The following CYB5B variants were observed in gnomAD, a reference collection of about 807,000 sequenced individuals.
CYB5B encodes cytochrome b5 type B (outer mitochondrial membrane).
In CYB5B, 14 loss-of-function variants were observed where a neutral mutation model predicts 21.3. That is an observed-to-expected ratio of 0.66 (90% confidence interval 0.43 to 1.03). CYB5B has a LOEUF of 1.03. Among genes scored for constraint, CYB5B ranks in the 50% least tolerant of loss-of-function variants. The pLI, the probability that CYB5B is intolerant of heterozygous loss-of-function variation, is 0.00. For synonymous variants in CYB5B, 69 were observed against 68.4 expected (o/e 1.01, Z -0.04); for missense variants, 166 against 185.1 (o/e 0.90, Z 0.60).
intron 1 of CYB5B, among the ~76,000 whole-genome samples, chr16:69,426,339 C>T (rs980204959): frequency 6.7e-6 from 1 of 148,462 alleles, no homozygotes; most frequent in Non-Finnish European, 1.5e-5. Flanking sequence ...GTGGCACTTG[C>T]AGTGAGCCTA....
At chr16:69,457,442 G>A (rs1193011928) in intron 3 of CYB5B, among the ~76,000 whole-genome samples, 1 of 151,766 alleles carries the variant, frequency 6.6e-6, no homozygotes, top group Non-Finnish European at 1.5e-5. Flanking sequence ...TAAATCATTG[G>A]TATTTATGTA....
chr16:69,437,496 C>A (rs1484672796), intron 1 of CYB5B, among the ~76,000 whole-genome samples: 5 of 152,162 alleles, frequency 3.3e-5, no homozygotes, highest in African/African-American at 1.2e-4. Context: ...CTGAGCATAA[C>A]CCCCCCAATA....
At chr16:69,434,186 C>T (rs983914968) in intron 1 of CYB5B, among the ~76,000 whole-genome samples, 1 of 152,162 alleles carries the variant, frequency 6.6e-6, no homozygotes, top group Admixed American at 6.6e-5. Flanking sequence ...TGAGATTCAT[C>T]TATTTTTTCT....
chr16:69,454,639 C>A (rs1024131265), intron 3 of CYB5B, among the ~76,000 whole-genome samples: 3 of 152,146 alleles, frequency 2.0e-5, no homozygotes, highest in Admixed American at 2.0e-4. Flanking sequence ...CACAGGGATA[C>A]CAAAGTGTTC....
intron 1 of CYB5B, among the ~76,000 whole-genome samples, chr16:69,429,637 T>C (rs2014685009): frequency 6.6e-6 from 1 of 152,162 alleles, no homozygotes; most frequent in Non-Finnish European, 1.5e-5. Context: ...GATAGTGGGT[T>C]GTACCAGAAC....
Position 69,424,654 on chromosome 16 carries a change from C to A in CYB5B, c.-30C>A. 6.6e-7 allele frequency: 1 copy of A among 1,505,554 alleles called. No homozygotes were observed. The highest frequency in any genetic ancestry group is 1.4e-5 in the African/African-American group (1 of 70,760). 93.3% of individuals were successfully genotyped at this position (1,505,554 alleles called of 1,614,324 possible). A position where few individuals can be genotyped will look rare whatever the true frequency, so the allele number is the denominator to read the frequency against. ...CGCGGGCTCTCAAGGAAAGTAGTCG[C>A]GGAATCTCAGTTAGCGGTGGAGAGG... On this transcript the variant is annotated 5_prime_UTR_variant, in exon 1 of 5. Coordinates refer to ENST00000307892, the MANE Select transcript of CYB5B (RefSeq NM_030579.3).
At chr16:69,445,578 A>C (rs1355653781) in intron 1 of CYB5B, among the ~76,000 whole-genome samples, 1 of 152,228 alleles carries the variant, frequency 6.6e-6, no homozygotes, top group African/African-American at 2.4e-5. Flanking sequence ...TAATTTAAGT[A>C]AATGTTTTTT....
chr16:69,429,925 G>A (rs2014688152), intron 1 of CYB5B, among the ~76,000 whole-genome samples: 1 of 152,022 alleles, frequency 6.6e-6, no homozygotes, highest in Admixed American at 6.6e-5. Context: ...TTTGATTAAT[G>A]ACTGGTTAGA....
intron 3 of CYB5B, 63 bp downstream of exon 3, chr16:69,448,207 G>C: frequency 6.4e-7 from 1 of 1,557,514 alleles, no homozygotes; most frequent in East Asian, 2.3e-5. Flanking sequence ...ACTGCTTTTT[G>C]AAACATTTTT....
intron 3 of CYB5B, among the ~76,000 whole-genome samples, chr16:69,454,276 A>G (rs549604622): frequency 7.9e-5 from 12 of 152,232 alleles, no homozygotes; most frequent in African/African-American, 2.6e-4. Flanking sequence ...ATTTTTTTAT[A>G]TAACGGTTTG....
intron 1 of CYB5B, among the ~76,000 whole-genome samples, chr16:69,440,839 T>A (rs1420880641): frequency 2.0e-5 from 3 of 151,596 alleles, no homozygotes; most frequent in Non-Finnish European, 4.4e-5. Context: ...TTTTTTTTTT[T>A]AAAGAGATAG....
intron 1 of CYB5B, among the ~76,000 whole-genome samples, chr16:69,437,280 CAA>C (rs151256555): frequency 0.063 from 9,652 of 152,080 alleles, 1,002 homozygotes; most frequent in African/African-American, 0.22. Flanking sequence ...ATTAAGTAGA[CAA>C]AGAGTCCATT....
At chr16:69,437,632 A>G (rs1314820544) in intron 1 of CYB5B, among the ~76,000 whole-genome samples, 1 of 152,138 alleles carries the variant, frequency 6.6e-6, no homozygotes, top group East Asian at 1.9e-4. Flanking sequence ...AAAATTTGCC[A>G]TTTTAACCAT....
intron 3 of CYB5B, among the ~76,000 whole-genome samples, chr16:69,450,944 C>T (rs1009544548): frequency 2.0e-5 from 3 of 152,102 alleles, no homozygotes; most frequent in African/African-American, 7.2e-5. Context: ...AGTAACCATT[C>T]CCTAATTCTT....
rs2015055663 is a variant in CYB5B at position 69,463,420 on chromosome 16, A to G, written c.*900A>G. The G allele has an allele frequency of 1.3e-5, 2 of 152,170 alleles. No homozygotes were observed. Among genetic ancestry groups the G allele is most frequent in the Non-Finnish European group, 2.9e-5 (2 of 68,034 alleles). 9.4% of individuals were successfully genotyped at this position (152,170 alleles called of 1,614,324 possible). On this transcript the variant is annotated 3_prime_UTR_variant, in exon 5 of 5. Transcript: ENST00000307892. ...TTTAGAAAACTGGTGTTTTCTAAAG[A>G]AACAGGATAGGAGTTTAGAGAAGGC...
chr16:69,429,244 T>G (rs975918272), intron 1 of CYB5B, among the ~76,000 whole-genome samples: 2 of 152,056 alleles, frequency 1.3e-5, no homozygotes, highest in Admixed American at 1.3e-4. Flanking sequence ...CAGCAAGATT[T>G]ATTGTGAAGA....
At chr16:69,448,211 C>A in intron 3 of CYB5B, 67 bp downstream of exon 3, 1 of 1,541,466 alleles carries the variant, frequency 6.5e-7, no homozygotes, top group Non-Finnish European at 8.9e-7. Context: ...CTTTTTGAAA[C>A]ATTTTTTCTT....
chr16:69,450,637 C>T (rs974862097), intron 3 of CYB5B, among the ~76,000 whole-genome samples: 2 of 152,122 alleles, frequency 1.3e-5, no homozygotes, highest in Non-Finnish European at 2.9e-5. Flanking sequence ...GACTTGGTGT[C>T]TAGGATGTAG....
rs2014899232 is a variant in CYB5B at position 69,448,369 on chromosome 16, T to G, written c.333+225T>G. ...TTGCTAATGCCTTTATACGCTTTTT[T>G]TTTTTAACTGAAACTCCAAAGCTAT... On this transcript the variant is annotated intron_variant, in intron 3 of 4. Coordinates refer to ENST00000307892, the MANE Select transcript of CYB5B (RefSeq NM_030579.3). The G allele has an allele frequency of 5.5e-6, 3 of 543,282 alleles. No homozygotes were observed. The East Asian group carries it at 9.7e-5, about 18-fold the overall frequency. The allele number at this position is 543,282 out of a possible 1,614,324, so 33.7% of individuals were successfully genotyped here. A position where few individuals can be genotyped will look rare whatever the true frequency, so the allele number is the denominator to read the frequency against.
Sources: gnomAD v4.1 joint callset for allele counts (sites outside exome capture counted in the v4.1 genomes callset) on GRCh38, gnomAD v4.1.1 for gene constraint, MANE v1.5 for transcripts, NCBI Gene and HGNC (gene_info 2026-07-23, HGNC 2026-07-21) for gene names.